Variants in FN1 observed in about 807,000 individuals in gnomAD.
The protein encoded by FN1 is fibronectin.
A neutral mutation model predicts 297.3 loss-of-function variants in FN1; 106 were observed. The observed-to-expected ratio is 0.36, with a 90% confidence interval of 0.30 to 0.42. The LOEUF is 0.42. Among genes scored for constraint, FN1 ranks in the 10% least tolerant of loss-of-function variants. The pLI, the probability that FN1 is intolerant of heterozygous loss-of-function variation, is 1.00. For synonymous variants in FN1, 1,149 were observed against 1,152.6 expected (o/e 1.00, Z 0.06); for missense variants, 2,690 against 3,124.9 (o/e 0.86, Z 3.32).
chr2:215,397,037 A>G, intron 23 of FN1, 100 bp downstream of exon 23: 1 of 838,276 alleles, frequency 1.2e-6, no homozygotes, highest in Admixed American at 1.7e-5. Flanking sequence ...AAGCATTTGT[A>G]ATTTGAATCC....
In FN1 at chr2:215,361,420, A is replaced by G; in HGVS notation, c.*135T>C. On this transcript the variant is annotated 3_prime_UTR_variant, in exon 46 of 46. Transcript: ENST00000354785. ...CTTGGAGAAGCTGTGAGTTGAGCTG[A>G]AGCTGGAGAACTTCCTCCAGAGCAA... is the stretch of plus-strand genomic sequence containing the variant. 1.3e-6 allele frequency: 1 copy of G among 778,492 alleles called. No individual in the cohort carries two copies. The highest frequency in any genetic ancestry group is 2.4e-6 in the Non-Finnish European group (1 of 422,456). The allele number at this position is 778,492 out of a possible 1,614,324, so 48.2% of individuals were successfully genotyped here.
intron 6 of FN1, among the ~76,000 whole-genome samples, chr2:215,427,359 T>C (rs946378048): frequency 3.3e-5 from 5 of 152,204 alleles, no homozygotes; most frequent in Admixed American, 3.3e-4. Context: ...CACTACGTAA[T>C]GATGTTGGCA....
Position 215,373,445 on chromosome 2 carries a change from A to G in FN1, c.6158-34T>C, listed in dbSNP as rs77305592. 4.4e-4 allele frequency: 694 copies of G among 1,560,892 alleles called. 3 individuals carry two copies. In the African/African-American group the frequency reaches 8.1e-3, roughly 18 times the overall value. On this transcript the variant is annotated intron_variant, in intron 38 of 45. Transcript: ENST00000354785. ...AGAATAGAACCATCACATTATGTCA[A>G]TGGGCTCAGCTAGTCAAGTGGAAGT...
chr2:215,401,247 A>AAAGAAAGGAAGGAAGGAAGGAAGGAAGG (rs1559475709), intron 20 of FN1, among the ~76,000 whole-genome samples: 1 of 80,136 alleles, frequency 1.2e-5, no homozygotes, highest in African/African-American at 5.2e-5. Flanking sequence ...AGAAAGAAAG[A>AAAGAAAGGAAGGAAGGAAGGAAGGAAGG]AAGGAAGAAA....
At chr2:215,393,574 C>CA (rs2059964193) in intron 24 of FN1, 1 of 152,336 alleles carries the variant, frequency 6.6e-6, no homozygotes, top group South Asian at 2.1e-4. Flanking sequence ...TAAGTATCAG[C>CA]AATGCTTTTA....
At chr2:215,421,831 T>C (rs1211022306) in intron 10 of FN1, among the ~76,000 whole-genome samples, 1 of 152,236 alleles carries the variant, frequency 6.6e-6, no homozygotes, top group East Asian at 1.9e-4. Context: ...ATTCTTACTT[T>C]TGAAGCCATC....
intron 23 of FN1, 29 bp from the exon 24 acceptor site, chr2:215,394,748 G>T: frequency 1.9e-6 from 3 of 1,555,032 alleles, no homozygotes; most frequent in Non-Finnish European, 2.7e-6. Context: ...GGAAGTTATT[G>T]CACAGAGGAT....
intron 42 of FN1, 144 bp from the exon 43 acceptor site, chr2:215,365,774 G>T: frequency 4.2e-6 from 2 of 481,152 alleles, no homozygotes; most frequent in Non-Finnish European, 3.5e-6. Flanking sequence ...CCCTATAATG[G>T]GCCATTTATT....
chr2:215,428,471 G>A (rs1302818241), intron 5 of FN1, 133 bp from the exon 6 acceptor site: 4 of 777,180 alleles, frequency 5.1e-6, no homozygotes, highest in East Asian at 2.6e-5. Context: ...CTCTGGTGCT[G>A]CAAGGTATTA....
chr2:215,407,044 G>T (rs1035939720), intron 18 of FN1, 83 bp downstream of exon 18: 6 of 1,001,300 alleles, frequency 6.0e-6, no homozygotes, highest in Non-Finnish European at 9.6e-6. Flanking sequence ...TGAATGAGAG[G>T]ACTGTTGACA....
intron 12 of FN1, among the ~76,000 whole-genome samples, chr2:215,416,718 T>A (rs1375607402): frequency 6.6e-6 from 1 of 152,224 alleles, no homozygotes; most frequent in Non-Finnish European, 1.5e-5. Context: ...TTTGAAAAGA[T>A]AACATAAATG....
Position 215,397,108 on chromosome 2 carries a change from A to G in FN1, c.3604+29T>C, listed in dbSNP as rs781749755. ...TTTGTCTTGGGAAGGTATGGTGTAT[A>G]CTTGCCCTCTGATCCATCCCAAACT... On this transcript the variant is annotated intron_variant, in intron 23 of 45. Transcript: ENST00000354785. 18 of 1,393,760 alleles carry G rather than the reference A, an allele frequency of 1.3e-5. No individual in the cohort carries two copies. The South Asian group carries it at 2.1e-4, about 16-fold the overall frequency. The allele number at this position is 1,393,760 out of a possible 1,614,324, so 86.3% of individuals were successfully genotyped here. A position where few individuals can be genotyped will look rare whatever the true frequency, so the allele number is the denominator to read the frequency against.
Position 215,370,609 on chromosome 2 carries a change from T to C in FN1, c.6715-177A>G. The stretch of plus-strand genomic sequence containing the variant: ...GGTCCTAACCAGCTGAGGAGAGAAA[T>C]GGAACAAGGATAGGGGCCATCGTTC... On this transcript the variant is annotated intron_variant, in intron 40 of 45. Transcript: ENST00000354785. The C allele has an allele frequency of 3.3e-6, 2 of 614,422 alleles. 1 individual carries two copies. Among genetic ancestry groups the C allele is most frequent in the Non-Finnish European group, 5.6e-6 (2 of 358,876 alleles). The allele number at this position is 614,422 out of a possible 1,614,324, so 38.1% of individuals were successfully genotyped here.
chr2:215,383,187 T>TA, intron 31 of FN1, 141 bp downstream of exon 31: 1 of 808,164 alleles, frequency 1.2e-6, no homozygotes, highest in African/African-American at 1.7e-5. Context: ...TTGTATTTTT[T>TA]AGTACAGACG....
chr2:215,373,568 C>CTTA (rs1177989792), intron 38 of FN1, among the ~76,000 whole-genome samples, 157 bp from the exon 39 acceptor site: 1 of 152,102 alleles, frequency 6.6e-6, no homozygotes, highest in Admixed American at 6.6e-5. Flanking sequence ...CCTCCATAAA[C>CTTA]ACCCAAATAT....
At chr2:215,372,545 T>C (rs979826950) in intron 39 of FN1, 170 bp from the exon 40 acceptor site, 13 of 656,350 alleles carry the variant, frequency 2.0e-5, no homozygotes, top group Non-Finnish European at 3.2e-5. Flanking sequence ...AAGAAATCTT[T>C]AGGATTTTTC....
chr2:215,427,779 A>G (rs2065748460), intron 6 of FN1, among the ~76,000 whole-genome samples: 1 of 152,162 alleles, frequency 6.6e-6, no homozygotes, highest in South Asian at 2.1e-4. Context: ...GTCCTTTCCT[A>G]GCAGAAGAAC....
At chr2:215,365,376 T>G in intron 43 of FN1, 129 bp downstream of exon 43, 2 of 1,011,964 alleles carry the variant, frequency 2.0e-6, no homozygotes, top group Non-Finnish European at 3.1e-6. Context: ...ATCAAAAGAT[T>G]AAGAAACCCA....
chr2:215,381,482 G>T (rs1316571756), intron 32 of FN1: 8 of 303,088 alleles, frequency 2.6e-5, no homozygotes, highest in Non-Finnish European at 5.1e-5. Flanking sequence ...GTTTTGTTTT[G>T]TTTTTTTTTG....
Sources: allele counts gnomAD v4.1 joint callset (sites outside exome capture counted in the v4.1 genomes callset), GRCh38; gene constraint gnomAD v4.1.1; transcripts MANE v1.5; gene names NCBI Gene and HGNC (gene_info 2026-07-23, HGNC 2026-07-21).